TAFA2: variants seen among roughly 807,000 people sequenced by gnomAD.
TAFA2 encodes chemokine-like protein TAFA-2.
A neutral mutation model predicts 18.8 loss-of-function variants in TAFA2; 7 were observed. The ratio of observed to expected loss-of-function variants is 0.37; its 90% CI spans 0.21 to 0.70. The LOEUF is 0.70. Ranked by LOEUF, TAFA2 falls within the 30% of genes least tolerant of loss-of-function variation. TAFA2 has a pLI of 0.53. For missense variants in TAFA2, 122 were observed against 158.1 expected, an observed-to-expected ratio of 0.77 and a Z score of 1.23; for synonymous variants, 60 against 54.2, an observed-to-expected ratio of 1.11 and a Z score of -0.47.
At chr12:62,105,137 G>C (rs1302090930) in intron 1 of TAFA2, among the ~76,000 whole-genome samples, 2 of 152,006 alleles carry the variant, frequency 1.3e-5, no homozygotes, top group Admixed American at 1.3e-4. Flanking sequence ...TACAGGTTTG[G>C]TGTGATTACC....
intron 1 of TAFA2, among the ~76,000 whole-genome samples, chr12:62,105,258 C>G (rs1486869551): frequency 3.9e-5 from 6 of 152,114 alleles, no homozygotes; most frequent in Non-Finnish European, 7.4e-5. Flanking sequence ...TAAATCAGCA[C>G]AAATTAATAT....
intron 1 of TAFA2, among the ~76,000 whole-genome samples, chr12:62,034,398 A>T (rs1276245634): frequency 1.3e-5 from 2 of 152,178 alleles, no homozygotes; most frequent in East Asian, 1.9e-4. Context: ...CTATAAAAGT[A>T]CTCAAACAGA....
At chr12:61,866,192 G>A (rs946135835) in intron 2 of TAFA2, among the ~76,000 whole-genome samples, 10 of 152,038 alleles carry the variant, frequency 6.6e-5, no homozygotes, top group Non-Finnish European at 5.9e-5. Flanking sequence ...ACAGGATAAC[G>A]AAATATGAAG....
At chr12:61,808,934 A>G (rs981482232) in intron 2 of TAFA2, among the ~76,000 whole-genome samples, 1 of 151,646 alleles carries the variant, frequency 6.6e-6, no homozygotes, top group African/African-American at 2.4e-5. Flanking sequence ...CATCTATTAC[A>G]TAAAGGTGAC....
At chr12:62,216,121 T>G (rs911255463) in intron 1 of TAFA2, among the ~76,000 whole-genome samples, 1 of 152,190 alleles carries the variant, frequency 6.6e-6, no homozygotes, top group African/African-American at 2.4e-5. Flanking sequence ...ATCATTACAT[T>G]CCTCTGTTAG....
intron 2 of TAFA2, among the ~76,000 whole-genome samples, chr12:61,844,663 GT>G (rs1873328228): frequency 1.3e-5 from 2 of 152,120 alleles, no homozygotes; most frequent in Admixed American, 6.6e-5. Context: ...GGAAGTCACT[GT>G]GCTTCAATAA....
intron 1 of TAFA2, among the ~76,000 whole-genome samples, chr12:62,243,210 G>A (rs73319546): frequency 0.18 from 26,978 of 152,032 alleles, 2,686 homozygotes; most frequent in African/African-American, 0.27. Flanking sequence ...TTTTTATATT[G>A]AGACAATGTT....
chr12:61,843,557 G>A (rs1448040891), intron 2 of TAFA2, among the ~76,000 whole-genome samples: 10 of 152,052 alleles, frequency 6.6e-5, no homozygotes, highest in African/African-American at 2.4e-4. Context: ...AGTTGGGGAT[G>A]TGAAGCCTGG....
intron 2 of TAFA2, among the ~76,000 whole-genome samples, chr12:61,828,666 T>A (rs1872609801): frequency 1.3e-5 from 2 of 151,866 alleles, no homozygotes; most frequent in Admixed American, 1.3e-4. Context: ...AAAAATTTAT[T>A]TACATTATTT....
At chr12:62,129,497 T>C (rs10877797) in intron 1 of TAFA2, among the ~76,000 whole-genome samples, 25,971 of 151,962 alleles carry the variant, frequency 0.17, 2,536 homozygotes, top group East Asian at 0.34. Flanking sequence ...CAAACCAACA[T>C]TTCTGCAGTT....
In TAFA2 at chr12:62,155,689, G is replaced by A. The variant is rs375027379; in HGVS notation, c.-2+35570C>T. Among the ~76,000 whole-genome samples, 12 of 152,258 alleles carry A rather than the reference G, an allele frequency of 7.9e-5. 1 individual carries two copies. The highest frequency in any genetic ancestry group is 3.3e-4 in the Admixed American group (5 of 15,282). Reference sequence around the variant, plus strand: ...AACAAAGCAAACAAAAACCTAAAGTGGGGAAAGGACACCCTTTTCAACAAA... The same window carrying A: ...AACAAAGCAAACAAAAACCTAAAGTAGGGAAAGGACACCCTTTTCAACAAA... On this transcript the variant is annotated intron_variant, in intron 1 of 4. Transcript: ENST00000416284.
At chr12:62,226,179 T>C (rs2062785528) in intron 1 of TAFA2, among the ~76,000 whole-genome samples, 3 of 151,472 alleles carry the variant, frequency 2.0e-5, no homozygotes, top group African/African-American at 7.3e-5. Context: ...GGTCTATATC[T>C]TTCTCTTGAT....
intron 1 of TAFA2, among the ~76,000 whole-genome samples, chr12:61,921,385 C>G (rs1344664698): frequency 6.6e-6 from 1 of 152,118 alleles, no homozygotes; most frequent in African/African-American, 2.4e-5. Context: ...CAAGAAGACT[C>G]CCTGATAGAT....
chr12:61,774,031 C>T (rs950598180), intron 2 of TAFA2, among the ~76,000 whole-genome samples: 8 of 151,522 alleles, frequency 5.3e-5, no homozygotes, highest in African/African-American at 1.7e-4. Context: ...ATCAAAAAGT[C>T]GGCTAGGGGC....
At chr12:62,190,282 T>C (rs2062614308) in intron 1 of TAFA2, among the ~76,000 whole-genome samples, 2 of 152,290 alleles carry the variant, frequency 1.3e-5, no homozygotes, top group East Asian at 3.9e-4. Context: ...TAACTCAACC[T>C]GCAGTTCTGA....
intron 1 of TAFA2, among the ~76,000 whole-genome samples, chr12:62,051,673 G>A (rs765158032): frequency 4.7e-4 from 72 of 151,674 alleles, no homozygotes; most frequent in Non-Finnish European, 7.5e-4. Flanking sequence ...GGAGAGAGGC[G>A]ACAGGAACTA....
chr12:61,984,512 T>C (rs546755541), intron 1 of TAFA2, among the ~76,000 whole-genome samples: 43 of 152,310 alleles, frequency 2.8e-4, no homozygotes, highest in African/African-American at 1.0e-3. Flanking sequence ...TTCCATCACA[T>C]ATCTTGAAAT....
At chr12:62,117,353 T>C (rs1299006154) in intron 1 of TAFA2, among the ~76,000 whole-genome samples, 1 of 152,190 alleles carries the variant, frequency 6.6e-6, no homozygotes, top group African/African-American at 2.4e-5. Flanking sequence ...TAATTCACAA[T>C]AGTTTTAATT....
intron 1 of TAFA2, among the ~76,000 whole-genome samples, chr12:61,891,092 C>T (rs1875612790): frequency 1.3e-5 from 2 of 152,126 alleles, no homozygotes; most frequent in African/African-American, 4.8e-5. Context: ...GTAACATAGT[C>T]CTTCCATCAT....
Sources: allele counts gnomAD v4.1 joint callset (sites outside exome capture counted in the v4.1 genomes callset), GRCh38; gene constraint gnomAD v4.1.1; transcripts MANE v1.5; gene names NCBI Gene and HGNC (gene_info 2026-07-23, HGNC 2026-07-21).